The following IQCM variants were observed in gnomAD, a reference collection of about 807,000 sequenced individuals.
IQCM encodes the protein IQ motif containing M.
IQCM carries 45 observed loss-of-function variants against 57.6 expected under a neutral mutation model. The observed-to-expected ratio is 0.78, with a 90% CI of 0.62 to 1.00. The LOEUF is 1.00. IQCM is among the 50% of genes least tolerant of loss of function. IQCM has a pLI of 0.00. For synonymous variants in IQCM, 148 were observed against 158.9 expected (o/e 0.93, Z 0.51); for missense variants, 468 against 511.6 (o/e 0.91, Z 0.82).
At chr4:149,467,572 A>C (rs1377584788) in intron 12 of IQCM, among the ~76,000 whole-genome samples, 2 of 152,184 alleles carry the variant, frequency 1.3e-5, no homozygotes, top group Admixed American at 6.5e-5. Context: ...TAATGAAAAG[A>C]CCTCTTTTAA....
At chr4:149,449,343 A>C (rs1736843670) in intron 12 of IQCM, among the ~76,000 whole-genome samples, 1 of 146,106 alleles carries the variant, frequency 6.8e-6, no homozygotes, top group Non-Finnish European at 1.5e-5. Flanking sequence ...AATAAATTAT[A>C]TTATATGTAT....
At chr4:149,798,265 G>T (rs115831560) in intron 2 of IQCM, among the ~76,000 whole-genome samples, 3,343 of 152,000 alleles carry the variant, frequency 0.022, 65 homozygotes, top group South Asian at 0.036. Context: ...GTGTTAGGTT[G>T]TTATCAGGTT....
At chr4:149,789,267 A>G (rs1772357273) in intron 2 of IQCM, among the ~76,000 whole-genome samples, 1 of 152,162 alleles carries the variant, frequency 6.6e-6, no homozygotes, top group African/African-American at 2.4e-5. Context: ...TGGACCCCAT[A>G]AATATTTAAA....
chr4:149,669,604 G>T (rs931119533), intron 7 of IQCM, among the ~76,000 whole-genome samples: 5 of 152,038 alleles, frequency 3.3e-5, no homozygotes, highest in African/African-American at 9.7e-5. Flanking sequence ...GTTTTTATGG[G>T]TTTAGGTCTA....
chr4:149,466,967 G>C (rs1273531793), intron 12 of IQCM, among the ~76,000 whole-genome samples: 1 of 152,030 alleles, frequency 6.6e-6, no homozygotes, highest in Non-Finnish European at 1.5e-5. Context: ...ATGAAGCCGG[G>C]GCCCTCATGA....
At chr4:149,670,850 A>T (rs1270460646) in intron 7 of IQCM, among the ~76,000 whole-genome samples, 1 of 151,728 alleles carries the variant, frequency 6.6e-6, no homozygotes, top group Non-Finnish European at 1.5e-5. Context: ...GTGGATAAAT[A>T]TTTTGATGTG....
chr4:149,761,387 A>G (rs1769499139), intron 2 of IQCM, among the ~76,000 whole-genome samples: 1 of 152,012 alleles, frequency 6.6e-6, no homozygotes, highest in African/African-American at 2.4e-5. Flanking sequence ...TCCTATTCCC[A>G]ACACTACTAC....
At chr4:149,785,974 G>C (rs1772045558) in intron 2 of IQCM, among the ~76,000 whole-genome samples, 1 of 152,050 alleles carries the variant, frequency 6.6e-6, no homozygotes, top group Non-Finnish European at 1.5e-5. Flanking sequence ...AGAATCTTTT[G>C]ATTCTGTTAA....
intron 11 of IQCM, 78 bp from the exon 12 acceptor site, chr4:149,548,667 T>A (rs1230085249): frequency 2.9e-6 from 2 of 694,582 alleles, no homozygotes; most frequent in African/African-American, 3.7e-5. Flanking sequence ...AGCTTTATTT[T>A]CCTGTCTACC....
Position 149,648,419 on chromosome 4 carries a change from C to T in IQCM, c.566-27175G>A, listed in dbSNP as rs1758840155. On this transcript the variant is annotated intron_variant, in intron 7 of 13. Transcript: ENST00000636793. ...CATAGTATTCCATGGTGTATATGTG[C>T]CACATTTTCTTAATCCAGTCTATCG... 2.0e-5 allele frequency among the ~76,000 whole-genome samples: 3 copies of T among 152,136 alleles called. No individual in the cohort carries two copies. The East Asian group carries it at 5.8e-4, about 29-fold the overall frequency.
intron 13 of IQCM, among the ~76,000 whole-genome samples, chr4:149,365,495 AC>A (rs1249810124): frequency 2.0e-5 from 3 of 152,078 alleles, no homozygotes; most frequent in Admixed American, 1.3e-4. Flanking sequence ...CCTGTCCCCT[AC>A]CCCCATCCTT....
chr4:149,394,213 G>T (rs1732060995), intron 13 of IQCM, among the ~76,000 whole-genome samples: 1 of 151,826 alleles, frequency 6.6e-6, no homozygotes, highest in Non-Finnish European at 1.5e-5. Flanking sequence ...TACATTGAAA[G>T]CCTATATAAT....
chr4:149,562,220 T>C (rs1489893183), intron 10 of IQCM, among the ~76,000 whole-genome samples: 2 of 152,198 alleles, frequency 1.3e-5, no homozygotes, highest in African/African-American at 2.4e-5. Context: ...ATATGGCACA[T>C]GGCAGATAGA....
intron 12 of IQCM, among the ~76,000 whole-genome samples, chr4:149,481,509 G>C (rs906807486): frequency 6.6e-6 from 1 of 151,888 alleles, no homozygotes; most frequent in African/African-American, 2.4e-5. Flanking sequence ...TTATTAAACA[G>C]ACTGTCTTTT....
chr4:149,803,609 T>C (rs1308441712), intron 2 of IQCM, among the ~76,000 whole-genome samples: 1 of 152,044 alleles, frequency 6.6e-6, no homozygotes, highest in African/African-American at 2.4e-5. Context: ...CCTTCTAGAA[T>C]GCCTCATTTT....
intron 2 of IQCM, among the ~76,000 whole-genome samples, chr4:149,752,712 G>A (rs765700788): frequency 1.1e-4 from 17 of 152,286 alleles, no homozygotes; most frequent in Admixed American, 3.3e-4. Context: ...GCTCCCAGAA[G>A]CCAAGTAGAG....
At chr4:149,471,628 A>G (rs558985564) in intron 12 of IQCM, among the ~76,000 whole-genome samples, 12 of 152,196 alleles carry the variant, frequency 7.9e-5, no homozygotes, top group Non-Finnish European at 1.8e-4. Flanking sequence ...TTATGAGGCC[A>G]ACATCATCCT....
chr4:149,420,008 T>C (rs1212482829), intron 13 of IQCM, among the ~76,000 whole-genome samples: 3 of 151,844 alleles, frequency 2.0e-5, no homozygotes, highest in Non-Finnish European at 4.4e-5. Flanking sequence ...GCTGGTGAGG[T>C]TGTAGAGAAA....
intron 7 of IQCM, among the ~76,000 whole-genome samples, chr4:149,669,582 T>C (rs1485599380): frequency 6.6e-6 from 1 of 152,122 alleles, no homozygotes; most frequent in Non-Finnish European, 1.5e-5. Context: ...AATGCCCAGG[T>C]TTTCTTCTAG....
Sources: allele counts gnomAD v4.1 joint callset (sites outside exome capture counted in the v4.1 genomes callset), GRCh38; gene constraint gnomAD v4.1.1; transcripts MANE v1.5; gene names NCBI Gene and HGNC (gene_info 2026-07-23, HGNC 2026-07-21).